The following PHKA1 variants were observed in gnomAD, a reference collection of about 807,000 sequenced individuals.
PHKA1 encodes phosphorylase kinase regulatory subunit alpha 1, also known as phosphorylase b kinase regulatory subunit alpha, skeletal muscle isoform.
PHKA1 carries 60 observed loss-of-function variants against 110.2 expected under a neutral mutation model. The observed-to-expected ratio is 0.54, with a 90% CI of 0.44 to 0.68. The LOEUF (loss-of-function observed/expected upper bound fraction) is 0.68, where lower values mean the gene tolerates loss of function less well. PHKA1 is among the 30% of genes least tolerant of loss of function. The pLI is 0.00. For missense variants in PHKA1, 801 were observed against 942.5 expected (o/e 0.85, Z 1.97); for synonymous variants, 316 against 333.6 (o/e 0.95, Z 0.58).
At chrX:72,680,048 G>A (rs782763198) in intron 5 of PHKA1, among the ~76,000 whole-genome samples, 108 of 106,055 alleles carry the variant, frequency 1.0e-3, no homozygotes, top group Non-Finnish European at 1.6e-3. Flanking sequence ...TCTCACTCTT[G>A]TTGCCCAGGC....
intron 15 of PHKA1, among the ~76,000 whole-genome samples, chrX:72,635,841 T>A (rs1603260697): frequency 8.9e-6 from 1 of 112,029 alleles, no homozygotes; most frequent in Non-Finnish European, 1.9e-5. Flanking sequence ...TAATAACAGC[T>A]AAAACAGTAC....
intron 5 of PHKA1, among the ~76,000 whole-genome samples, chrX:72,682,276 G>A (rs1457672228): frequency 1.0e-5 from 1 of 96,135 alleles, no homozygotes; most frequent in Non-Finnish European, 2.1e-5. Flanking sequence ...CGCCCCGTCC[G>A]GGAGGGAGGT....
intron 4 of PHKA1, among the ~76,000 whole-genome samples, chrX:72,690,065 CT>C (rs1603272723): frequency 9.0e-6 from 1 of 111,674 alleles, no homozygotes; most frequent in African/African-American, 3.3e-5. Context: ...GGTTATTTAT[CT>C]TTTATATTAA....
At chrX:72,682,934 T>TTAAAAAAAAAAAAA (rs1556317402) in intron 5 of PHKA1, among the ~76,000 whole-genome samples, 5 of 63,837 alleles carry the variant, frequency 7.8e-5, no homozygotes, top group African/African-American at 1.3e-4. Flanking sequence ...AAAAATAAAT[T>TTAAAAAAAAAAAAA]AAAAAAAAAA....
At chrX:72,626,543 C>G (rs992568622) in intron 17 of PHKA1, among the ~76,000 whole-genome samples, 1 of 111,217 alleles carries the variant, frequency 9.0e-6, no homozygotes, top group Admixed American at 9.6e-5. Flanking sequence ...ATCGAAGATA[C>G]AGTTAGCCCC....
chrX:72,635,061 A>G, intron 16 of PHKA1, 94 bp downstream of exon 16: 1 of 1,056,434 alleles, frequency 9.5e-7, no homozygotes, highest in Middle Eastern at 3.3e-4. Flanking sequence ...ATAAATTATA[A>G]GAAGTAGCTC....
intron 4 of PHKA1, among the ~76,000 whole-genome samples, chrX:72,691,978 G>A (rs1344411675): frequency 8.9e-6 from 1 of 112,042 alleles, no homozygotes; most frequent in Non-Finnish European, 1.9e-5. Flanking sequence ...ACCATCAAAT[G>A]TCATGTTAGC....
At chrX:72,587,314 T>C (rs1556215329) in intron 29 of PHKA1, among the ~76,000 whole-genome samples, 1 of 111,489 alleles carries the variant, frequency 9.0e-6, no homozygotes. Flanking sequence ...CAACGCAGAA[T>C]TTCATATCCA....
chrX:72,712,729 C>A, intron 2 of PHKA1, 50 bp downstream of exon 2: 2 of 1,143,122 alleles, frequency 1.7e-6, no homozygotes, highest in Non-Finnish European at 2.4e-6. Flanking sequence ...CTGCCCCCAA[C>A]CCCCAATCAC....
At chrX:72,671,541 C>T (rs2147787447) in intron 6 of PHKA1, among the ~76,000 whole-genome samples, 1 of 111,821 alleles carries the variant, frequency 8.9e-6, no homozygotes, top group East Asian at 2.8e-4. Flanking sequence ...AATGCCATCC[C>T]CATCAAGCTA....
intron 5 of PHKA1, among the ~76,000 whole-genome samples, chrX:72,680,784 C>T (rs1218421984): frequency 2.2e-5 from 2 of 89,059 alleles, no homozygotes; most frequent in African/African-American, 4.4e-5. Context: ...TGGAGTTCAG[C>T]GGGCAGCGGA....
rs1556200655 is a variant in PHKA1 at position 72,581,065 on chromosome X, G to A, written c.3609C>T (p.Leu1203=). The change falls in exon 32 of 32, where the codon CTC becomes CTT. Residue 1203 remains leucine (L), a synonymous_variant. Transcript: ENST00000373542. The part of the protein sequence containing the change: ...PSGRFGTMTY[L]SKAAATYVQE... ...GCACGTAGGTGGCGGCTGCCTTGGA[G>A]AGGTAGGTCATGGTGCCAAACCTGC... 1.7e-6 allele frequency: 2 copies of A among 1,210,319 alleles called. No homozygotes were observed. Among genetic ancestry groups the A allele is most frequent in the Admixed American group, 4.3e-5 (2 of 46,044 alleles).
chrX:72,705,018 G>A (rs2054260030), intron 3 of PHKA1, among the ~76,000 whole-genome samples, 180 bp downstream of exon 3: 1 of 112,014 alleles, frequency 8.9e-6, no homozygotes, highest in African/African-American at 3.2e-5. Flanking sequence ...ACATTCCAGT[G>A]GTAATTACAT....
chrX:72,687,463 C>T (rs1198956614), intron 4 of PHKA1, among the ~76,000 whole-genome samples: 1 of 111,565 alleles, frequency 9.0e-6, no homozygotes, highest in Non-Finnish European at 1.9e-5. Flanking sequence ...CACAGCCATA[C>T]CATACAAATG....
At chrX:72,621,066 C>T (rs2052972804) in intron 18 of PHKA1, among the ~76,000 whole-genome samples, 165 bp from the exon 19 acceptor site, 1 of 111,775 alleles carries the variant, frequency 8.9e-6, no homozygotes, top group African/African-American at 3.3e-5. Flanking sequence ...CATGATATAA[C>T]CTCATCACTT....
At chrX:72,707,086 G>T (rs1011927539) in intron 2 of PHKA1, among the ~76,000 whole-genome samples, 2 of 111,325 alleles carry the variant, frequency 1.8e-5, no homozygotes, top group South Asian at 3.8e-4. Context: ...TCTCCCTCTT[G>T]CCTATTCTTT....
chrX:72,631,511 G>T (rs911981382), intron 16 of PHKA1, among the ~76,000 whole-genome samples: 2 of 111,381 alleles, frequency 1.8e-5, no homozygotes, highest in Non-Finnish European at 3.8e-5. Context: ...GTAAAATAGG[G>T]TCTAAAAGTT....
chrX:72,682,355 G>A (rs1556316419), intron 5 of PHKA1, among the ~76,000 whole-genome samples: 1 of 109,266 alleles, frequency 9.2e-6, no homozygotes, highest in African/African-American at 3.3e-5. Flanking sequence ...TCAGCCCCCT[G>A]CCCGGCCAGC....
rs781921857 is a variant in PHKA1 at position 72,666,397 on chromosome X, GA to G, written c.718-101del. Reference sequence around the variant, plus strand: ...CATGATATCACTTTTGAATATGTTTGACAAAATAGAAAAGAACATTCTTTAT... The same window carrying G: ...CATGATATCACTTTTGAATATGTTTGCAAAATAGAAAAGAACATTCTTTAT... On this transcript the variant is annotated intron_variant, in intron 7 of 31. Coordinates refer to ENST00000373542, the MANE Select transcript of PHKA1 (RefSeq NM_002637.4). 17 of 710,825 alleles carry G rather than the reference GA, an allele frequency of 2.4e-5. No individual in the cohort carries two copies. In the Admixed American group the frequency reaches 3.6e-4, roughly 15 times the overall value. The allele number at this position is 710,825 out of a possible 1,213,427, so 58.6% of individuals were successfully genotyped here. A position where few individuals can be genotyped will look rare whatever the true frequency, so the allele number is the denominator to read the frequency against.
Sources: gnomAD v4.1 joint callset for allele counts (sites outside exome capture counted in the v4.1 genomes callset) on GRCh38, gnomAD v4.1.1 for gene constraint, MANE v1.5 for transcripts, NCBI Gene and HGNC (gene_info 2026-07-23, HGNC 2026-07-21) for gene names.